The following STK32B variants were observed in gnomAD, a reference collection of about 807,000 sequenced individuals.
STK32B encodes the protein serine/threonine-protein kinase 32B.
In STK32B, 43 loss-of-function variants were observed where a neutral mutation model predicts 52.6. The ratio of observed to expected loss-of-function variants is 0.82; its 90% CI spans 0.64 to 1.05. The LOEUF is 1.05. Ranked by LOEUF, STK32B falls within the 50% of genes least tolerant of loss-of-function variation. STK32B has a pLI of 0.00. For missense variants in STK32B, 621 were observed against 534.6 expected, an observed-to-expected ratio of 1.16 and a Z score of -1.59; for synonymous variants, 238 against 204.3, an observed-to-expected ratio of 1.17 and a Z score of -1.41.
At chr4:5,436,977 A>C (rs1398852461) in intron 6 of STK32B, among the ~76,000 whole-genome samples, 1 of 152,194 alleles carries the variant, frequency 6.6e-6, no homozygotes, top group Non-Finnish European at 1.5e-5. Flanking sequence ...ATCAGGGTGA[A>C]AGAGCCAGTC....
chr4:5,162,610 G>A (rs903191494), intron 2 of STK32B, among the ~76,000 whole-genome samples: 4 of 152,222 alleles, frequency 2.6e-5, no homozygotes, highest in African/African-American at 9.6e-5. Context: ...TAATAATGAT[G>A]ACATCAGGTC....
chr4:5,257,331 ATGAG>A (rs1323422053), intron 3 of STK32B, among the ~76,000 whole-genome samples: 3 of 151,920 alleles, frequency 2.0e-5, no homozygotes, highest in Non-Finnish European at 2.9e-5. Flanking sequence ...GAGCAAGTGA[ATGAG>A]TGAGCAAGTA....
intron 3 of STK32B, among the ~76,000 whole-genome samples, chr4:5,320,043 A>C (rs1414360657): frequency 6.6e-6 from 1 of 152,164 alleles, no homozygotes; most frequent in Non-Finnish European, 1.5e-5. Context: ...AGGAAAGCAC[A>C]CTTGCAGGAG....
intron 11 of STK32B, among the ~76,000 whole-genome samples, chr4:5,497,051 C>A (rs1262340220): frequency 6.6e-6 from 1 of 152,088 alleles, no homozygotes; most frequent in Non-Finnish European, 1.5e-5. Context: ...GAGTTTTCAA[C>A]AATTTTTTTT....
chr4:5,412,443 G>A (rs59222906), intron 5 of STK32B, among the ~76,000 whole-genome samples: 7,909 of 152,222 alleles, frequency 0.052, 643 homozygotes, highest in African/African-American at 0.17. Context: ...GCTGTCTGTC[G>A]TGCAGGGTGT....
At chr4:5,299,058 A>C (rs977944493) in intron 3 of STK32B, among the ~76,000 whole-genome samples, 1 of 151,938 alleles carries the variant, frequency 6.6e-6, no homozygotes, top group African/African-American at 2.4e-5. Context: ...GGAGTTACCC[A>C]GCCCCTTCTG....
At chr4:5,324,056 A>G (rs181064004) in intron 3 of STK32B, among the ~76,000 whole-genome samples, 2 of 152,350 alleles carry the variant, frequency 1.3e-5, no homozygotes, top group East Asian at 1.9e-4. Flanking sequence ...ATGAGCGCAT[A>G]TACGTAAAGC....
Position 5,396,697 on chromosome 4 carries a change from C to A in STK32B, c.435-1510C>A, listed in dbSNP as rs1316127857. 1.3e-5 allele frequency among the ~76,000 whole-genome samples: 2 copies of A among 152,196 alleles called. No homozygotes were observed. The highest frequency in any genetic ancestry group is 1.9e-4 in the East Asian group (1 of 5,198). ...TTAAATCATCTCAGTCCCGGTGATA[C>A]CTTAAGAGATAAGCTTGAACATTTG... is the stretch of plus-strand genomic sequence containing the variant. On this transcript the variant is annotated intron_variant, in intron 4 of 11. Transcript: ENST00000282908. The surrounding 1 kb of genome is among the most constrained non-coding windows in gnomAD (Gnocchi z 4.7).
chr4:5,036,479 C>T, the STK32B span, among the ~76,000 whole-genome samples: 9 of 151,986 alleles, frequency 5.9e-5, no homozygotes, highest in Non-Finnish European at 7.4e-5. Context: ...AAAATGCTGC[C>T]GTTTCTTGCT....
At chr4:5,446,050 A>G (rs959362253) in intron 6 of STK32B, among the ~76,000 whole-genome samples, 3 of 152,154 alleles carry the variant, frequency 2.0e-5, no homozygotes, top group African/African-American at 4.8e-5. Context: ...TCTCCCAGCA[A>G]ACATACTCCA....
At chr4:5,387,962 T>G (rs1340707704) in intron 4 of STK32B, among the ~76,000 whole-genome samples, 1 of 152,130 alleles carries the variant, frequency 6.6e-6, no homozygotes, top group East Asian at 1.9e-4. Flanking sequence ...CAGGCTGGTC[T>G]CAAACTCCTG....
At chr4:5,050,514 A>C (rs978550405), upstream of STK32B, among the ~76,000 whole-genome samples, 23 of 152,246 alleles carry the variant, frequency 1.5e-4, no homozygotes, top group Non-Finnish European at 2.1e-4. Flanking sequence ...GGAGAGAGAG[A>C]CCAGGTAGGG....
chr4:5,037,711 T>C, the STK32B span, among the ~76,000 whole-genome samples: 1 of 152,238 alleles, frequency 6.6e-6, no homozygotes, highest in Non-Finnish European at 1.5e-5. Flanking sequence ...GTTTTCTAGA[T>C]AGTGGCTCTG....
intron 3 of STK32B, 88 bp downstream of exon 3, chr4:5,168,538 T>C: frequency 7.0e-7 from 1 of 1,425,190 alleles, no homozygotes; most frequent in Non-Finnish European, 9.3e-7. Flanking sequence ...CTCTTCCGCA[T>C]TGTAAAGGGA....
chr4:5,496,208 C>G (rs191469572), intron 11 of STK32B, among the ~76,000 whole-genome samples: 2 of 152,246 alleles, frequency 1.3e-5, no homozygotes, highest in Non-Finnish European at 2.9e-5. Flanking sequence ...AGGCAAGCCT[C>G]CTTGAGCTGT....
chr4:5,197,920 A>G (rs565280439), intron 3 of STK32B, among the ~76,000 whole-genome samples: 79 of 152,268 alleles, frequency 5.2e-4, no homozygotes, highest in Middle Eastern at 3.4e-3. Flanking sequence ...TTTATGTTTC[A>G]TGGTAAAACA....
In STK32B at chr4:5,460,033, C is replaced by G. The variant is rs969539103; in HGVS notation, c.784-70C>G. The G allele has an allele frequency of 1.2e-6, 2 of 1,611,590 alleles. No homozygotes were observed. The highest frequency in any genetic ancestry group is 2.2e-5 in the East Asian group (1 of 44,832). On this transcript the variant is annotated intron_variant, in intron 8 of 11. Coordinates refer to ENST00000282908, the MANE Select transcript of STK32B (RefSeq NM_018401.3). This position sits in a 1 kb window ranked among gnomAD's most constrained non-coding sequence, Gnocchi z 4.8. ...GGCACATTAATTGCCCTGAGACCCC[C>G]TCCTTCAGAGTCCCCGCTAACCTTG... is the stretch of plus-strand genomic sequence containing the variant.
chr4:5,316,644 ATATATATAATATATAATATATAT>A (rs1730826116), intron 3 of STK32B, among the ~76,000 whole-genome samples: 1 of 3,424 alleles, frequency 2.9e-4, no homozygotes, highest in Non-Finnish European at 3.7e-4. Context: ...ATAATATATT[ATATATATAATATATAATATATAT>A]TATATATATA....
At chr4:5,134,338 T>C (rs2108825084) in intron 1 of STK32B, among the ~76,000 whole-genome samples, 1 of 152,292 alleles carries the variant, frequency 6.6e-6, no homozygotes, top group Middle Eastern at 3.4e-3. Context: ...CTGCTGTCAT[T>C]ATCATGGGAG....
Sources: gnomAD v4.1 joint callset for allele counts (sites outside exome capture counted in the v4.1 genomes callset) on GRCh38, gnomAD v4.1.1 for gene constraint, Gnocchi (gnomAD v3.1) non-coding constraint, MANE v1.5 for transcripts, NCBI Gene and HGNC (gene_info 2026-07-23, HGNC 2026-07-21) for gene names.